The following PPP2R1B variants were observed in gnomAD, a reference collection of about 807,000 sequenced individuals.
The protein encoded by PPP2R1B is serine/threonine-protein phosphatase 2A 65 kDa regulatory subunit A beta isoform.
In PPP2R1B, 58 loss-of-function variants were observed where a neutral mutation model predicts 72.7. That is an observed-to-expected ratio of 0.80 (90% confidence interval 0.65 to 0.99). PPP2R1B has a LOEUF of 0.99. Ranked by LOEUF, PPP2R1B falls within the 50% of genes least tolerant of loss-of-function variation. The probability of loss-of-function intolerance (pLI) is 0.00; values close to 1 mark genes in which losing one functional copy is unlikely to be tolerated. For synonymous variants in PPP2R1B, 256 were observed against 264.6 expected (o/e 0.97, Z 0.32); for missense variants, 695 against 733.6 (o/e 0.95, Z 0.61).
rs1332123004 is a variant in PPP2R1B at position 111,766,331 on chromosome 11, G to C, written c.31C>G (p.Pro11Ala). MAGASELGTG[P>A]GAAGGDGDDS... ...TCTCCATCTCCACCCGCTGCTCCTG[G>C]GCCGGTCCCGAGCTCTGATGCGCCC... Residue 11 changes from proline (P) to alanine (A), a missense_variant, in exon 1 of 15, where the codon CCA becomes GCA. Coordinates refer to ENST00000527614, the MANE Select transcript of PPP2R1B (RefSeq NM_002716.5). The C allele has an allele frequency of 6.5e-7, 1 of 1,537,960 alleles. No individual in the cohort carries two copies. Among genetic ancestry groups the C allele is most frequent in the Non-Finnish European group, 8.7e-7 (1 of 1,148,076 alleles).
downstream of PPP2R1B, chr11:111,723,774 G>A (rs34223841): frequency 1.1e-4 from 175 of 1,613,682 alleles, no homozygotes; most frequent in African/African-American, 2.0e-3. Context: ...TCCGGTCCCC[G>A]GGCTGCTCCT....
chr11:111,699,159 T>C, the PPP2R1B span, among the ~76,000 whole-genome samples: 1 of 152,174 alleles, frequency 6.6e-6, no homozygotes, highest in Admixed American at 6.5e-5. Context: ...GAGGTTACAT[T>C]GTAAAGAGAG....
intron 3 of PPP2R1B, 167 bp from the exon 4 acceptor site, chr11:111,761,218 C>G: frequency 1.4e-6 from 1 of 727,326 alleles, no homozygotes; most frequent in Non-Finnish European, 2.4e-6. Flanking sequence ...ACATATGGTG[C>G]GGCCAACCCA....
chr11:111,692,888 T>C, the PPP2R1B span, among the ~76,000 whole-genome samples: 2 of 152,126 alleles, frequency 1.3e-5, no homozygotes, highest in East Asian at 3.8e-4. Flanking sequence ...TTAGCCATCT[T>C]GTATATTGAA....
At position 111,738,817 on chromosome 11, in the gene PPP2R1B, CAGAG is replaced by C; in HGVS notation, c.*2775_*2778del. On this transcript the variant is annotated 3_prime_UTR_variant, in exon 15 of 15. Transcript: ENST00000527614. ...TGAGGGGTAAACCCCACACAAATTA[CAGAG>C]AGAAACACCAAGGTGAATTCCACTG... 1.0e-6 allele frequency: 1 copy of C among 984,912 alleles called. No homozygotes were observed. Among genetic ancestry groups the C allele is most frequent in the Non-Finnish European group, 1.2e-6 (1 of 829,924 alleles). 61.0% of individuals were successfully genotyped at this position (984,912 alleles called of 1,614,324 possible). A position where few individuals can be genotyped will look rare whatever the true frequency, so the allele number is the denominator to read the frequency against.
chr11:111,692,691 A>G, the PPP2R1B span, among the ~76,000 whole-genome samples: 553 of 152,312 alleles, frequency 3.6e-3, 3 homozygotes, highest in Non-Finnish European at 5.9e-3. Flanking sequence ...TTTAAGGATC[A>G]TCTTCTTATC....
chr11:111,760,078 A>T, intron 4 of PPP2R1B, 127 bp from the exon 5 acceptor site: 1 of 1,036,652 alleles, frequency 9.6e-7, no homozygotes, highest in South Asian at 2.0e-5. Flanking sequence ...CTACTTATAG[A>T]AGTAACAAAA....
Position 111,738,001 on chromosome 11 carries a change from T to G in PPP2R1B, c.*3595A>C. ...ATTTCCATCCCAACTGAACGTTATG[T>G]AATTTCCTGGAAACAGCAGGCTCGT... is the stretch of plus-strand genomic sequence containing the variant. On this transcript the variant is annotated 3_prime_UTR_variant, in exon 15 of 15. Coordinates refer to ENST00000527614, the MANE Select transcript of PPP2R1B (RefSeq NM_002716.5). 1 of 1,009,072 alleles carries G rather than the reference T, an allele frequency of 9.9e-7. No individual in the cohort carries two copies. The highest frequency in any genetic ancestry group is 9.3e-5 in the East Asian group (1 of 10,782). The allele number at this position is 1,009,072 out of a possible 1,614,324, so 62.5% of individuals were successfully genotyped here. A position where few individuals can be genotyped will look rare whatever the true frequency, so the allele number is the denominator to read the frequency against.
chr11:111,743,425 G>T lies in PPP2R1B; in HGVS notation c.1505C>A (p.Ala502Glu), dbSNP rs201993418. Residue 502 changes from alanine (A) to glutamate (E), a missense_variant, in exon 12 of 15, where the codon GCA (alanine) becomes GAA (glutamate). By Grantham distance (107) the Ala-to-Glu change is moderately radical. Coordinates refer to ENST00000527614, the MANE Select transcript of PPP2R1B (RefSeq NM_002716.5). ...NTIVPKVLVM[A>E]NDPNYLHRMT... ...TCTATGCAAGTAATTAGGATCATTTGCCATTACTAACACTTTGGGAACAAT... is the reference window on the plus strand; with the variant it reads ...TCTATGCAAGTAATTAGGATCATTTTCCATTACTAACACTTTGGGAACAAT... 1 of 1,612,682 alleles carries T rather than the reference G, an allele frequency of 6.2e-7. No individual in the cohort carries two copies. The highest frequency in any genetic ancestry group is 8.5e-7 in the Non-Finnish European group (1 of 1,178,904).
At chr11:111,712,871 GT>G in the PPP2R1B span, among the ~76,000 whole-genome samples, 1 of 152,142 alleles carries the variant, frequency 6.6e-6, no homozygotes, top group African/African-American at 2.4e-5. Flanking sequence ...ATGTTTAAAA[GT>G]TAATGTGCTG....
Position 111,739,707 on chromosome 11 carries a change from T to A in PPP2R1B, c.*1889A>T. 1.0e-6 allele frequency: 1 copy of A among 985,160 alleles called. No individual in the cohort carries two copies. Among genetic ancestry groups the A allele is most frequent in the Non-Finnish European group, 1.2e-6 (1 of 829,752 alleles). The allele number at this position is 985,160 out of a possible 1,614,324, so 61.0% of individuals were successfully genotyped here. A position where few individuals can be genotyped will look rare whatever the true frequency, so the allele number is the denominator to read the frequency against. ...CAAATCTGCTTCATGAAGACAAATG[T>A]CTCTCAAATATGAAATTCAATGAAG... On this transcript the variant is annotated 3_prime_UTR_variant, in exon 15 of 15. Transcript: ENST00000527614.
At chr11:111,735,980 GCTCC>G (rs1944329270), downstream of PPP2R1B, among the ~76,000 whole-genome samples, 1 of 152,162 alleles carries the variant, frequency 6.6e-6, no homozygotes, top group African/African-American at 2.4e-5. Flanking sequence ...TGCATGGAAG[GCTCC>G]CTGAGTCATG....
intron 15 of PPP2R1B, chr11:111,730,828 TAA>T (rs2136006125): frequency 6.6e-6 from 1 of 152,320 alleles, no homozygotes; most frequent in South Asian, 2.1e-4. Flanking sequence ...CCTCTTGAAT[TAA>T]AATAAAAACA....
At chr11:111,689,565 T>C in the PPP2R1B span, among the ~76,000 whole-genome samples, 2 of 151,996 alleles carry the variant, frequency 1.3e-5, no homozygotes, top group African/African-American at 4.8e-5. Flanking sequence ...AAGTTACACA[T>C]GGTGGTGTTT....
the PPP2R1B span, chr11:111,712,273 C>T: frequency 6.2e-7 from 1 of 1,614,214 alleles, no homozygotes; most frequent in South Asian, 1.1e-5. Flanking sequence ...TGCGATCTGC[C>T]CTCCTCCCCC....
the PPP2R1B span, chr11:111,719,816 G>C: frequency 1.9e-6 from 3 of 1,614,046 alleles, no homozygotes; most frequent in African/African-American, 4.0e-5. Flanking sequence ...CTGTCCTGGT[G>C]CGGAAGGGAT....
At chr11:111,726,939 T>C (rs777582267) in exon 16 of PPP2R1B, 1 of 1,607,628 alleles carries the variant, frequency 6.2e-7, no homozygotes, top group Admixed American at 1.7e-5. Flanking sequence ...CTTTATTTTT[T>C]ATGTTCTTTT....
rs558802167 is a variant in PPP2R1B at position 111,766,353 on chromosome 11, G to A, written c.9C>T (p.Gly3=). 2.8e-5 allele frequency: 40 copies of A among 1,434,064 alleles called. No homozygotes were observed. The East Asian group carries it at 2.8e-4, about 10-fold the overall frequency. The allele number at this position is 1,434,064 out of a possible 1,614,324, so 88.8% of individuals were successfully genotyped here. A position where few individuals can be genotyped will look rare whatever the true frequency, so the allele number is the denominator to read the frequency against. The change falls in exon 1 of 15, where the codon GGC becomes GGT. Residue 3 remains glycine (G), a synonymous_variant. Coordinates refer to ENST00000527614, the MANE Select transcript of PPP2R1B (RefSeq NM_002716.5). MA[G]ASELGTGPGA... The stretch of plus-strand genomic sequence containing the variant: ...CTGGGCCGGTCCCGAGCTCTGATGC[G>A]CCCGCCATGTTCTTTCTCCTCCTGC...
At chr11:111,751,651 G>A (rs1440426154) in intron 10 of PPP2R1B, among the ~76,000 whole-genome samples, 3 of 151,996 alleles carry the variant, frequency 2.0e-5, no homozygotes, top group Non-Finnish European at 2.9e-5. Context: ...TTTAGATGAG[G>A]GATACTCAAC....
Sources: allele counts gnomAD v4.1 joint callset (sites outside exome capture counted in the v4.1 genomes callset), GRCh38; gene constraint gnomAD v4.1.1; transcripts MANE v1.5; gene names NCBI Gene and HGNC (gene_info 2026-07-23, HGNC 2026-07-21).